The following LPP variants were observed in gnomAD, a reference collection of about 807,000 sequenced individuals.
LPP encodes the protein lipoma-preferred partner.
A neutral mutation model predicts 60.4 loss-of-function variants in LPP; 38 were observed. The ratio of observed to expected loss-of-function variants is 0.63; its 90% CI spans 0.49 to 0.83. The LOEUF is 0.83. Among genes scored for constraint, LPP ranks in the 40% least tolerant of loss-of-function variants. LPP has a pLI of 0.00. For synonymous variants in LPP, 328 were observed against 290.8 expected (o/e 1.13, Z -1.30); for missense variants, 902 against 783.6 (o/e 1.15, Z -1.80).
chr3:188,592,557 G>GTTTGTTTGTTTTTTTTTTT (rs1260656926), intron 6 of LPP, among the ~76,000 whole-genome samples: 1 of 85,750 alleles, frequency 1.2e-5, no homozygotes, highest in African/African-American at 4.5e-5. Flanking sequence ...TTTTGTTTTT[G>GTTTGTTTGTTTTTTTTTTT]TTTTTTAAAT....
At position 188,656,308 on chromosome 3, in the gene LPP, C is replaced by G. The variant is rs188461209; in HGVS notation, c.1113+46464C>G. Among the ~76,000 whole-genome samples the G allele has an allele frequency of 7.2e-5, 11 of 152,260 alleles. No homozygotes were observed. The East Asian group carries it at 2.1e-3, about 29-fold the overall frequency. On this transcript the variant is annotated intron_variant, in intron 7 of 11. Transcript: ENST00000617246. ...GGGTTCTGAAGACAAACCTGACTGC[C>G]TCCTTCCACATGCTATGTCTGCAAA...
intron 9 of LPP, among the ~76,000 whole-genome samples, chr3:188,818,829 C>T (rs1753172907): frequency 6.6e-6 from 1 of 152,172 alleles, no homozygotes; most frequent in South Asian, 2.1e-4. Flanking sequence ...TGCCCAACTC[C>T]TTGCAAATAC....
chr3:188,311,466 CTA>C (rs1291154452), intron 2 of LPP, among the ~76,000 whole-genome samples: 2 of 142,496 alleles, frequency 1.4e-5, no homozygotes, highest in East Asian at 4.2e-4. Context: ...GAGCGAGACC[CTA>C]TCTCTAAACT....
chr3:188,404,590 C>T (rs113402263), intron 3 of LPP, among the ~76,000 whole-genome samples: 260 of 152,172 alleles, frequency 1.7e-3, no homozygotes, highest in African/African-American at 4.6e-3. Flanking sequence ...GAGGCGATGC[C>T]GTTCAAAGTC....
chr3:188,824,193 A>T (rs952671204), intron 9 of LPP, among the ~76,000 whole-genome samples: 1 of 152,104 alleles, frequency 6.6e-6, no homozygotes, highest in Non-Finnish European at 1.5e-5. Context: ...AAGTACGTTC[A>T]CTCATTCGGG....
chr3:188,532,720 C>T (rs145120030), intron 6 of LPP, among the ~76,000 whole-genome samples: 21 of 152,272 alleles, frequency 1.4e-4, no homozygotes, highest in Admixed American at 3.9e-4. Flanking sequence ...GGTAACTACA[C>T]TCCATTCCCC....
intron 5 of LPP, among the ~76,000 whole-genome samples, chr3:188,522,784 AATATATAT>A (rs61033243): frequency 0.15 from 18,535 of 125,214 alleles, 1,298 homozygotes; most frequent in South Asian, 0.21. Flanking sequence ...GATAATATGA[AATATATAT>A]ATATATATAT....
At chr3:188,272,752 A>G (rs561136244) in intron 2 of LPP, among the ~76,000 whole-genome samples, 6 of 152,348 alleles carry the variant, frequency 3.9e-5, no homozygotes, top group South Asian at 2.1e-4. Context: ...ATAAATTTTA[A>G]TGGTTACAAA....
intron 6 of LPP, among the ~76,000 whole-genome samples, chr3:188,547,310 T>C (rs1826911108): frequency 6.6e-6 from 1 of 152,142 alleles, no homozygotes; most frequent in South Asian, 2.1e-4. Flanking sequence ...ACAACACACA[T>C]GCACAATATA....
At chr3:188,465,602 A>G (rs1800187109) in intron 4 of LPP, among the ~76,000 whole-genome samples, 1 of 152,176 alleles carries the variant, frequency 6.6e-6, no homozygotes, top group Non-Finnish European at 1.5e-5. Flanking sequence ...TAATAAACAA[A>G]CAGATAATCT....
At chr3:188,855,077 C>T (rs533032891) in intron 9 of LPP, among the ~76,000 whole-genome samples, 2 of 152,160 alleles carry the variant, frequency 1.3e-5, no homozygotes, top group African/African-American at 4.8e-5. Context: ...AGTTAGTTAC[C>T]CATGGTAGAC....
intron 8 of LPP, among the ~76,000 whole-genome samples, chr3:188,735,339 C>G (rs1233026085): frequency 6.6e-6 from 1 of 151,514 alleles, no homozygotes; most frequent in Non-Finnish European, 1.5e-5. Flanking sequence ...TTAATTCTTA[C>G]TGTATGTAGT....
chr3:188,248,186 A>G (rs970092527), intron 2 of LPP, among the ~76,000 whole-genome samples: 2 of 152,034 alleles, frequency 1.3e-5, no homozygotes, highest in African/African-American at 4.8e-5. Flanking sequence ...ATTCACCCAA[A>G]CAACGTGAAT....
chr3:188,527,760 T>A lies in LPP; in HGVS notation c.429+2973T>A, dbSNP rs574661726. On this transcript the variant is annotated intron_variant, in intron 6 of 11. Transcript: ENST00000617246. The stretch of plus-strand genomic sequence containing the variant: ...CTTTTTTGTGCTCCCTTTCCTTTTT[T>A]TTTTTTGTAATGGGTTTTCACTCTG... Among the ~76,000 whole-genome samples the A allele has an allele frequency of 4.0e-5, 6 of 151,758 alleles. No individual in the cohort carries two copies. The South Asian group carries it at 8.3e-4, about 21-fold the overall frequency.
At chr3:188,600,099 A>G (rs1343236821) in intron 6 of LPP, among the ~76,000 whole-genome samples, 1 of 151,286 alleles carries the variant, frequency 6.6e-6, no homozygotes, top group Non-Finnish European at 1.5e-5. Context: ...ATTTTCTGCT[A>G]TGCTTCTTCC....
intron 7 of LPP, among the ~76,000 whole-genome samples, chr3:188,631,355 C>G (rs1847823091): frequency 6.6e-6 from 1 of 152,080 alleles, no homozygotes; most frequent in Non-Finnish European, 1.5e-5. Flanking sequence ...TTTGGGGACA[C>G]TCCTATTAAG....
At chr3:188,728,261 C>T (rs536221384) in intron 8 of LPP, among the ~76,000 whole-genome samples, 1 of 152,140 alleles carries the variant, frequency 6.6e-6, no homozygotes, top group Non-Finnish European at 1.5e-5. Context: ...AATTACTGAT[C>T]TAGTCCAATC....
chr3:188,715,376 CAAAAAAAAAAAAAAAAAAAAA>C (rs35761284), intron 8 of LPP, among the ~76,000 whole-genome samples: 1 of 63,664 alleles, frequency 1.6e-5, no homozygotes, highest in African/African-American at 8.8e-5. Context: ...GACTCCGTCT[CAAAAAAAAAAAAAAAAAAAAA>C]AAAAAAAAAG....
chr3:188,497,320 A>C (rs1810532934), intron 5 of LPP, among the ~76,000 whole-genome samples: 1 of 152,194 alleles, frequency 6.6e-6, no homozygotes. Flanking sequence ...ATAATTCCAC[A>C]TGTCCTGCCT....
Sources: gnomAD v4.1 joint callset for allele counts (sites outside exome capture counted in the v4.1 genomes callset) on GRCh38, gnomAD v4.1.1 for gene constraint, MANE v1.5 for transcripts, NCBI Gene and HGNC (gene_info 2026-07-23, HGNC 2026-07-21) for gene names.